The following FANCL variants were observed in gnomAD, a reference collection of about 807,000 sequenced individuals.
FANCL encodes the protein FA complementation group L.
A neutral mutation model predicts 59.4 loss-of-function variants in FANCL; 69 were observed. The observed-to-expected ratio is 1.16, with a 90% CI of 0.96 to 1.42. The LOEUF (loss-of-function observed/expected upper bound fraction) is 1.42, where lower values mean the gene tolerates loss of function less well. Ranked by LOEUF, FANCL falls within the 40% of genes most tolerant of loss-of-function variation. FANCL has a pLI of 0.00. For missense variants in FANCL, 519 were observed against 447.2 expected, an observed-to-expected ratio of 1.16 and a Z score of -1.45; for synonymous variants, 180 against 147.1, an observed-to-expected ratio of 1.22 and a Z score of -1.62.
At chr2:58,178,602 A>G (rs2104938352) in intron 7 of FANCL, among the ~76,000 whole-genome samples, 1 of 152,204 alleles carries the variant, frequency 6.6e-6, no homozygotes, top group East Asian at 1.9e-4. Flanking sequence ...ACAGCTATTT[A>G]TGACAAACCC....
chr2:58,174,031 A>G (rs1364540536), intron 7 of FANCL, among the ~76,000 whole-genome samples: 1 of 152,236 alleles, frequency 6.6e-6, no homozygotes, highest in East Asian at 1.9e-4. Context: ...AGATCAAAAG[A>G]GACAAAGAAG....
At chr2:58,170,461 T>C (rs1333730083) in intron 7 of FANCL, among the ~76,000 whole-genome samples, 2 of 151,920 alleles carry the variant, frequency 1.3e-5, no homozygotes, top group Non-Finnish European at 2.9e-5. Flanking sequence ...ATCAACACTA[T>C]GAAGAAACTG....
chr2:58,174,030 G>C (rs970303667), intron 7 of FANCL, among the ~76,000 whole-genome samples: 1 of 151,962 alleles, frequency 6.6e-6, no homozygotes. Context: ...AAGATCAAAA[G>C]AGACAAAGAA....
rs374580291 is a variant in FANCL, at chr2:58,232,059, A to G, written c.150T>C (p.Asn50=). ...ATAACTAAACACCATATCACCTTGCATTCTTCAGTTGTAAATCTTCAGGCA... is the reference window on the plus strand; with the variant it reads ...ATAACTAAACACCATATCACCTTGCGTTCTTCAGTTGTAAATCTTCAGGCA... ...IVLPEDLQLK[N]ARLLCSWQLR... The change falls in exon 2 of 14, where the codon AAT becomes AAC. Residue 50 remains asparagine (N), a synonymous_variant. Coordinates refer to ENST00000233741, the MANE Select transcript of FANCL (RefSeq NM_018062.4). The G allele has an allele frequency of 3.7e-6, 6 of 1,613,128 alleles. No homozygotes were observed. The African/African-American group carries it at 4.0e-5, about 11-fold the overall frequency.
chr2:58,178,007 C>A (rs1307872271), intron 7 of FANCL, among the ~76,000 whole-genome samples: 2 of 151,968 alleles, frequency 1.3e-5, no homozygotes, highest in Non-Finnish European at 2.9e-5. Flanking sequence ...GGATAAATTC[C>A]TGGACACATA....
intron 7 of FANCL, among the ~76,000 whole-genome samples, chr2:58,172,888 A>C (rs981460374): frequency 2.0e-5 from 3 of 152,188 alleles, no homozygotes; most frequent in Non-Finnish European, 2.9e-5. Context: ...GAAAACTTTG[A>C]AAAAAATTTA....
At chr2:58,212,667 A>G (rs559492975) in intron 5 of FANCL, among the ~76,000 whole-genome samples, 2 of 152,280 alleles carry the variant, frequency 1.3e-5, no homozygotes, top group East Asian at 3.9e-4. Context: ...TTAATAGGCC[A>G]TTCTGTAAAA....
At chr2:58,176,938 AAAAC>A (rs1295633265) in intron 7 of FANCL, among the ~76,000 whole-genome samples, 11 of 152,244 alleles carry the variant, frequency 7.2e-5, no homozygotes, top group Non-Finnish European at 1.0e-4. Flanking sequence ...TTACAAGAAA[AAAAC>A]AAACAACCCC....
chr2:58,197,604 G>A (rs1689559097), intron 7 of FANCL, among the ~76,000 whole-genome samples: 1 of 152,118 alleles, frequency 6.6e-6, no homozygotes, highest in Non-Finnish European at 1.5e-5. Context: ...ATAGTTTACA[G>A]TGCACTTCTA....
At chr2:58,219,140 TAAAAAAAAAAAAAAAAA>T (rs70954881) in intron 5 of FANCL, among the ~76,000 whole-genome samples, 1 of 16,604 alleles carries the variant, frequency 6.0e-5, no homozygotes, top group Non-Finnish European at 1.3e-4. Flanking sequence ...AAATACATGC[TAAAAAAAAAAAAAAAAA>T]AAAAAAAAAA....
intron 7 of FANCL, among the ~76,000 whole-genome samples, chr2:58,195,419 C>G (rs568963489): frequency 6.6e-6 from 1 of 152,164 alleles, no homozygotes; most frequent in Admixed American, 6.5e-5. Flanking sequence ...AAGACACATT[C>G]AAATTGTATA....
chr2:58,172,332 C>G (rs190127453), intron 7 of FANCL, among the ~76,000 whole-genome samples: 5 of 152,338 alleles, frequency 3.3e-5, no homozygotes, highest in Non-Finnish European at 7.3e-5. Flanking sequence ...CCCTGAGCAG[C>G]CTAACTGGGA....
chr2:58,217,507 T>C (rs1691967286), intron 5 of FANCL, among the ~76,000 whole-genome samples: 2 of 151,564 alleles, frequency 1.3e-5, no homozygotes, highest in African/African-American at 4.9e-5. Flanking sequence ...AAAATGCAAA[T>C]GGTAAAGAGC....
intron 1 of FANCL, among the ~76,000 whole-genome samples, chr2:58,240,927 C>T (rs899440081): frequency 2.7e-4 from 41 of 152,280 alleles, no homozygotes; most frequent in African/African-American, 9.1e-4. Context: ...AATTGCGGGA[C>T]ACTGAACGAA....
At chr2:58,227,333 T>C (rs1212144879) in intron 3 of FANCL, among the ~76,000 whole-genome samples, 1 of 152,228 alleles carries the variant, frequency 6.6e-6, no homozygotes, top group Non-Finnish European at 1.5e-5. Context: ...GACAAAGAAC[T>C]TTCTGTATCC....
At chr2:58,170,999 T>G (rs1027943335) in intron 7 of FANCL, among the ~76,000 whole-genome samples, 2 of 151,628 alleles carry the variant, frequency 1.3e-5, no homozygotes, top group Admixed American at 1.3e-4. Flanking sequence ...TATTCAGGAG[T>G]TGAACTCAGC....
Position 58,198,536 on chromosome 2 carries a change from C to G in FANCL, c.540+58G>C. Reference sequence around the variant, plus strand: ...TAATCCCCCCATGGATACTCTGGGACAACTGTACTTTTTAATTACTTAAAA... The same window carrying G: ...TAATCCCCCCATGGATACTCTGGGAGAACTGTACTTTTTAATTACTTAAAA... On this transcript the variant is annotated intron_variant, in intron 7 of 13. Coordinates refer to ENST00000233741, the MANE Select transcript of FANCL (RefSeq NM_018062.4). 2.8e-6 allele frequency: 4 copies of G among 1,434,658 alleles called. No homozygotes were observed. In the South Asian group the frequency reaches 4.6e-5, roughly 17 times the overall value. 88.9% of individuals were successfully genotyped at this position (1,434,658 alleles called of 1,614,324 possible).
At chr2:58,174,263 G>A (rs1051757613) in intron 7 of FANCL, among the ~76,000 whole-genome samples, 2 of 152,148 alleles carry the variant, frequency 1.3e-5, no homozygotes, top group African/African-American at 4.8e-5. Context: ...CCCAGGAATT[G>A]AACTCAGCTC....
intron 5 of FANCL, among the ~76,000 whole-genome samples, chr2:58,212,285 T>C (rs996663118): frequency 1.3e-5 from 2 of 152,144 alleles, no homozygotes; most frequent in Admixed American, 6.5e-5. Flanking sequence ...CCATCAGATC[T>C]CCTAAGACTT....
Sources: gnomAD v4.1 joint callset for allele counts (sites outside exome capture counted in the v4.1 genomes callset) on GRCh38, gnomAD v4.1.1 for gene constraint, MANE v1.5 for transcripts, NCBI Gene and HGNC (gene_info 2026-07-23, HGNC 2026-07-21) for gene names.